SPMAP2L: variants seen among roughly 807,000 people sequenced by gnomAD.
SPMAP2L encodes sperm microtubule associated protein 2-like.
the SPMAP2L span, among the ~76,000 whole-genome samples, chr4:56,589,579 T>C: frequency 7.9e-5 from 12 of 152,206 alleles, no homozygotes; most frequent in African/African-American, 2.9e-4. Context: ...GGGATGTGTT[T>C]CCATTTGTTT....
the SPMAP2L span, among the ~76,000 whole-genome samples, chr4:56,557,053 A>T: frequency 6.6e-6 from 1 of 151,730 alleles, no homozygotes; most frequent in Admixed American, 6.6e-5. Flanking sequence ...GTTTGAGACC[A>T]GCCTGGCCAA....
At chr4:56,612,951 CT>C in the SPMAP2L span, among the ~76,000 whole-genome samples, 1 of 152,158 alleles carries the variant, frequency 6.6e-6, no homozygotes, top group Non-Finnish European at 1.5e-5. Flanking sequence ...AAAATCTTTC[CT>C]TTATTTCCAT....
At chr4:56,532,414 T>C in the SPMAP2L span, among the ~76,000 whole-genome samples, 1 of 150,914 alleles carries the variant, frequency 6.6e-6, no homozygotes, top group African/African-American at 2.4e-5. Flanking sequence ...ATGCTTTAGA[T>C]ACCACTCTCA....
At chr4:56,566,695 C>CTTTTTTTTTTTTTTTTTTTTTTTTTTTCT in the SPMAP2L span, among the ~76,000 whole-genome samples, 1 of 92,448 alleles carries the variant, frequency 1.1e-5, no homozygotes, top group Non-Finnish European at 2.0e-5. Flanking sequence ...TTTTCTTTTT[C>CTTTTTTTTTTTTTTTTTTTTTTTTTTTCT]TTTTTTTTTT....
chr4:56,562,531 A>T, the SPMAP2L span, among the ~76,000 whole-genome samples: 1 of 152,160 alleles, frequency 6.6e-6, no homozygotes, highest in Non-Finnish European at 1.5e-5. Flanking sequence ...CAGTATTTGT[A>T]TTTAAATGAC....
the SPMAP2L span, chr4:56,603,310 C>T: frequency 1.3e-6 from 2 of 1,533,114 alleles, no homozygotes; most frequent in Non-Finnish European, 1.7e-6. Context: ...TTGTCACAAC[C>T]TCTTACACGT....
the SPMAP2L span, chr4:56,584,532 G>C: frequency 1.3e-6 from 2 of 1,535,244 alleles, no homozygotes; most frequent in Middle Eastern, 1.7e-4. Context: ...GATTCTCTTC[G>C]AATCTCTGAT....
the SPMAP2L span, chr4:56,584,546 T>C: frequency 5.7e-5 from 88 of 1,535,344 alleles, no homozygotes; most frequent in Non-Finnish European, 7.6e-5. Flanking sequence ...CTCTGATCCT[T>C]CTCCCCGGAT....
the SPMAP2L span, among the ~76,000 whole-genome samples, chr4:56,546,584 A>G: frequency 6.6e-6 from 1 of 152,236 alleles, no homozygotes; most frequent in Non-Finnish European, 1.5e-5. Context: ...CCTGAGAGCT[A>G]TTTCATCCTG....
chr4:56,549,168 TA>T, the SPMAP2L span, among the ~76,000 whole-genome samples: 1 of 152,026 alleles, frequency 6.6e-6, no homozygotes, highest in African/African-American at 2.4e-5. Context: ...TTTGTATTTT[TA>T]GTAGAGATGG....
the SPMAP2L span, among the ~76,000 whole-genome samples, chr4:56,620,468 C>A: frequency 1.3e-5 from 2 of 151,256 alleles, no homozygotes; most frequent in Non-Finnish European, 1.5e-5. Context: ...CTCACCGCAA[C>A]CTCCGCCTCC....
At chr4:56,596,573 G>A in the SPMAP2L span, 1 of 1,534,104 alleles carries the variant, frequency 6.5e-7, no homozygotes, top group African/African-American at 1.4e-5. Flanking sequence ...GCCCACCCAA[G>A]GATCAAGTTA....
At chr4:56,548,810 T>C in the SPMAP2L span, 1 of 1,486,356 alleles carries the variant, frequency 6.7e-7, no homozygotes, top group Non-Finnish European at 8.9e-7. Context: ...TTCCTGTGAC[T>C]TTGTAAGGAA....
At chr4:56,547,331 C>T in the SPMAP2L span, among the ~76,000 whole-genome samples, 2 of 151,682 alleles carry the variant, frequency 1.3e-5, no homozygotes, top group South Asian at 2.1e-4. Context: ...CTGCAACCTC[C>T]GCCTCCCAGG....
the SPMAP2L span, among the ~76,000 whole-genome samples, chr4:56,625,532 C>G: frequency 2.0e-5 from 3 of 152,064 alleles, no homozygotes; most frequent in Non-Finnish European, 2.9e-5. Flanking sequence ...TGGGAGGATC[C>G]AGGGGGAGGT....
the SPMAP2L span, among the ~76,000 whole-genome samples, chr4:56,555,836 A>G: frequency 1.3e-5 from 2 of 152,182 alleles, no homozygotes; most frequent in Non-Finnish European, 2.9e-5. Context: ...TGCTCTAAAG[A>G]CTAAGTTTTA....
chr4:56,606,151 T>C, the SPMAP2L span, among the ~76,000 whole-genome samples: 2 of 152,156 alleles, frequency 1.3e-5, no homozygotes, highest in African/African-American at 4.8e-5. Flanking sequence ...TTTTCTTAAC[T>C]CACCTGGGTA....
At chr4:56,531,283 T>G in the SPMAP2L span, 1 of 1,327,776 alleles carries the variant, frequency 7.5e-7, no homozygotes, top group Non-Finnish European at 1.0e-6. Context: ...GAGGTTTGCA[T>G]GCAAGAGCTT....
At chr4:56,575,969 C>T in the SPMAP2L span, among the ~76,000 whole-genome samples, 10 of 152,196 alleles carry the variant, frequency 6.6e-5, no homozygotes, top group African/African-American at 1.9e-4. Context: ...GACTTTGATA[C>T]TTTTTCTTCC....
Sources: allele counts gnomAD v4.1 joint callset (sites outside exome capture counted in the v4.1 genomes callset), GRCh38; gene constraint gnomAD v4.1.1; transcripts MANE v1.5; gene names NCBI Gene and HGNC (gene_info 2026-07-23, HGNC 2026-07-21).